Variants in NBEA observed in about 807,000 individuals in gnomAD.
NBEA encodes the protein neurobeachin, also known as lysosomal-trafficking regulator 2.
NBEA carries 44 observed loss-of-function variants against 343.4 expected under a neutral mutation model. The observed-to-expected ratio is 0.13, with a 90% confidence interval of 0.10 to 0.16. The LOEUF (loss-of-function observed/expected upper bound fraction) is 0.16. Among genes scored for constraint, NBEA ranks in the 10% least tolerant of loss-of-function variants. The pLI, the probability that NBEA is intolerant of heterozygous loss-of-function variation, is 1.00. For missense variants in NBEA, 2,555 were observed against 3,631.3 expected, an observed-to-expected ratio of 0.70 and a Z score of 7.62; for synonymous variants, 1,175 against 1,238.7, an observed-to-expected ratio of 0.95 and a Z score of 1.08.
chr13:34,983,167 C>T (rs1015714153), intron 1 of NBEA, among the ~76,000 whole-genome samples: 14 of 152,102 alleles, frequency 9.2e-5, no homozygotes, highest in African/African-American at 3.4e-4. Flanking sequence ...GCTATACCTC[C>T]CCCTGACCCC....
intron 38 of NBEA, among the ~76,000 whole-genome samples, chr13:35,391,752 A>G (rs1594457042): frequency 6.6e-6 from 1 of 152,310 alleles, no homozygotes; most frequent in African/African-American, 2.4e-5. Flanking sequence ...CACTACACAA[A>G]ATATCTAAAC....
At chr13:35,384,120 G>T (rs572169615) in intron 38 of NBEA, among the ~76,000 whole-genome samples, 13 of 152,176 alleles carry the variant, frequency 8.5e-5, no homozygotes, top group African/African-American at 3.1e-4. Context: ...GGTAGCATGC[G>T]GAAGTCACTA....
At chr13:35,351,348 T>G (rs1211563913) in intron 37 of NBEA, among the ~76,000 whole-genome samples, 1 of 151,948 alleles carries the variant, frequency 6.6e-6, no homozygotes, top group Non-Finnish European at 1.5e-5. Flanking sequence ...GTTTTCTGTA[T>G]AAAAACTACA....
chr13:34,995,924 G>A (rs1305513486), intron 1 of NBEA, among the ~76,000 whole-genome samples: 3 of 152,216 alleles, frequency 2.0e-5, no homozygotes, highest in Non-Finnish European at 4.4e-5. Flanking sequence ...CTGCTAATGG[G>A]ACGTGAGCCT....
chr13:35,546,477 GAGAT>G (rs1481291444), intron 41 of NBEA, among the ~76,000 whole-genome samples: 4 of 150,450 alleles, frequency 2.7e-5, no homozygotes, highest in Non-Finnish European at 4.4e-5. Context: ...AAAAAAAAAA[GAGAT>G]AGAGTTACAT....
At chr13:35,423,232 G>A (rs1274825768) in intron 38 of NBEA, among the ~76,000 whole-genome samples, 4 of 152,120 alleles carry the variant, frequency 2.6e-5, no homozygotes, top group Non-Finnish European at 5.9e-5. Context: ...CCATGCCTAT[G>A]TTCCTGAATG....
At chr13:35,335,716 A>T (rs2039211532) in intron 36 of NBEA, among the ~76,000 whole-genome samples, 1 of 152,096 alleles carries the variant, frequency 6.6e-6, no homozygotes, top group African/African-American at 2.4e-5. Flanking sequence ...ATTAATTAAC[A>T]TCCTAGGAGA....
intron 34 of NBEA, among the ~76,000 whole-genome samples, chr13:35,260,258 G>A (rs933980001): frequency 6.6e-6 from 1 of 152,170 alleles, no homozygotes; most frequent in Admixed American, 6.5e-5. Flanking sequence ...GGGAAAAAGA[G>A]GCAGTGACAT....
intron 38 of NBEA, among the ~76,000 whole-genome samples, chr13:35,391,370 C>T (rs1271704325): frequency 3.3e-5 from 5 of 151,128 alleles, no homozygotes; most frequent in Non-Finnish European, 7.4e-5. Flanking sequence ...GTTTTCTTTT[C>T]TTCATTACTT....
chr13:35,227,214 A>G (rs7327472), intron 33 of NBEA, among the ~76,000 whole-genome samples: 6,333 of 152,050 alleles, frequency 0.042, 156 homozygotes, highest in South Asian at 0.078. Flanking sequence ...AATTGTCAGT[A>G]GGTAATTATG....
chr13:35,236,558 T>C (rs1345350186), intron 34 of NBEA, among the ~76,000 whole-genome samples: 1 of 152,074 alleles, frequency 6.6e-6, no homozygotes, highest in African/African-American at 2.4e-5. Flanking sequence ...GCCATTCTCC[T>C]GCCTCAGCCT....
At chr13:35,625,870 T>C (rs2083208410) in intron 48 of NBEA, among the ~76,000 whole-genome samples, 1 of 152,172 alleles carries the variant, frequency 6.6e-6, no homozygotes, top group East Asian at 1.9e-4. Context: ...TAACAGTTGA[T>C]GGAGATAAGG....
chr13:34,999,282 G>A (rs918306168), intron 1 of NBEA, among the ~76,000 whole-genome samples: 1 of 152,148 alleles, frequency 6.6e-6, no homozygotes, highest in African/African-American at 2.4e-5. Context: ...TGTACAGTGT[G>A]TAGTAATCAC....
chr13:35,084,012 A>T (rs1436516358), intron 10 of NBEA, among the ~76,000 whole-genome samples: 1 of 152,180 alleles, frequency 6.6e-6, no homozygotes, highest in Admixed American at 6.6e-5. Context: ...GATCAATTCA[A>T]CAAGAAGAGC....
rs192622093 is a variant in NBEA, at chr13:35,643,208, G to C, written c.7618-2661G>C. On this transcript the variant is annotated intron_variant, in intron 49 of 58. Transcript: ENST00000379939. ...TACTTAATCTTCAAACCTGAGCTCT[G>C]TCCTTTTTCCAAAAGTCTCTTTCCT... 4.5e-4 allele frequency among the ~76,000 whole-genome samples: 68 copies of C among 151,794 alleles called. 1 individual carries two copies. Among genetic ancestry groups the C allele is most frequent in the African/African-American group, 1.6e-3 (66 of 41,348 alleles).
intron 41 of NBEA, among the ~76,000 whole-genome samples, chr13:35,489,203 G>C (rs189745065): frequency 1.2e-3 from 178 of 151,792 alleles, no homozygotes; most frequent in African/African-American, 4.1e-3. Flanking sequence ...ATCTTGAATG[G>C]GGAATAAAGA....
rs748740018 is a variant in NBEA, at chr13:35,168,989, T to A, written c.4236T>A (p.Gly1412=). ...PLLSAATSPT[G]SKTELENIEV... is the part of the protein sequence containing the mutation. ...TGTTTTGTCTAATGCATGTCCAGGG[T>A]TCTAAGGTTAGTATTACTTTTGTAG... The change falls in exon 25 of 59, where the codon GGT becomes GGA. Residue 1412 remains glycine (G), a splice_region_variant and synonymous_variant. Transcript: ENST00000379939. The A allele has an allele frequency of 3.3e-6, 5 of 1,501,888 alleles. No individual in the cohort carries two copies. Among genetic ancestry groups the A allele is most frequent in the Middle Eastern group, 1.8e-4 (1 of 5,680 alleles). 93.0% of individuals were successfully genotyped at this position (1,501,888 alleles called of 1,614,324 possible).
chr13:35,222,280 ACTTT>A (rs1344590615), intron 33 of NBEA, among the ~76,000 whole-genome samples: 1 of 151,840 alleles, frequency 6.6e-6, no homozygotes, highest in Non-Finnish European at 1.5e-5. Context: ...TCCTTACATG[ACTTT>A]CTTTATTTTA....
chr13:35,437,019 A>AC (rs1484274418), intron 39 of NBEA, among the ~76,000 whole-genome samples: 1 of 152,182 alleles, frequency 6.6e-6, no homozygotes, highest in East Asian at 1.9e-4. Context: ...CGTCTTATCT[A>AC]TTAATGTAGT....
Sources: allele counts gnomAD v4.1 joint callset (sites outside exome capture counted in the v4.1 genomes callset), GRCh38; gene constraint gnomAD v4.1.1; transcripts MANE v1.5; gene names NCBI Gene and HGNC (gene_info 2026-07-23, HGNC 2026-07-21).